The following ZC3H12B variants were observed in gnomAD, a reference collection of about 807,000 sequenced individuals.
ZC3H12B encodes zinc finger CCCH-type containing 12B, also known as probable ribonuclease ZC3H12B.
In ZC3H12B, 7 loss-of-function variants were observed where a neutral mutation model predicts 43.9. The ratio of observed to expected loss-of-function variants is 0.16; its 90% CI spans 0.09 to 0.30. ZC3H12B has a LOEUF of 0.30. Among genes scored for constraint, ZC3H12B ranks in the 10% least tolerant of loss-of-function variants. The pLI, the probability that ZC3H12B is intolerant of heterozygous loss-of-function variation, is 1.00. For synonymous variants in ZC3H12B, 222 were observed against 241.7 expected (o/e 0.92, Z 0.76); for missense variants, 475 against 670.2 (o/e 0.71, Z 3.22).
At chrX:65,141,632 T>C in the ZC3H12B span, among the ~76,000 whole-genome samples, 3 of 110,550 alleles carry the variant, frequency 2.7e-5, no homozygotes, top group East Asian at 8.4e-4. Context: ...CTGAACAGTA[T>C]ACACTGCACC....
the ZC3H12B span, among the ~76,000 whole-genome samples, chrX:65,283,050 T>C: frequency 1.8e-5 from 2 of 111,658 alleles, no homozygotes; most frequent in East Asian, 5.6e-4. Flanking sequence ...ATATCACTGA[T>C]GAACATCGAT....
chrX:65,047,802 A>G, the ZC3H12B span, among the ~76,000 whole-genome samples: 2 of 110,618 alleles, frequency 1.8e-5, no homozygotes, highest in African/African-American at 6.5e-5. Flanking sequence ...TAGTTGGGCT[A>G]AGTTTTTTTT....
chrX:65,346,790 C>T, the ZC3H12B span, among the ~76,000 whole-genome samples: 2 of 112,462 alleles, frequency 1.8e-5, no homozygotes, highest in African/African-American at 6.5e-5. Flanking sequence ...GAAAAAAAGG[C>T]AGCACCTCCA....
intron 4 of ZC3H12B, 30 bp downstream of exon 9, chrX:65,500,019 G>A (rs772311285): frequency 1.1e-5 from 12 of 1,062,399 alleles, no homozygotes; most frequent in African/African-American, 1.8e-5. Flanking sequence ...ACTGAGTTCT[G>A]TACCACCGGA....
the ZC3H12B span, among the ~76,000 whole-genome samples, chrX:65,318,480 T>C: frequency 3.7e-5 from 4 of 108,294 alleles, no homozygotes; most frequent in Non-Finnish European, 7.7e-5. Flanking sequence ...GGTGGTGTGA[T>C]CTCAGCTCAG....
the ZC3H12B span, among the ~76,000 whole-genome samples, chrX:65,234,832 T>C: frequency 9.0e-6 from 1 of 111,651 alleles, no homozygotes; most frequent in African/African-American, 3.3e-5. Context: ...TATTTTTTTC[T>C]GATGCTCTTT....
chrX:65,504,192 A>G lies in ZC3H12B; in HGVS notation c.*983A>G, dbSNP rs192803305. On this transcript the variant is annotated 3_prime_UTR_variant, in exon 5 of 5. Coordinates refer to ENST00000338957, the Ensembl canonical transcript of ZC3H12B. ...GCAATTATATTGCATGTATGAATAT[A>G]TATATTTGGTTTGAGATGTGTGTGT... is the stretch of plus-strand genomic sequence containing the variant. 108 of 112,225 alleles carry G rather than the reference A, an allele frequency of 9.6e-4. 2 individuals carry two copies. Among genetic ancestry groups the G allele is most frequent in the African/African-American group, 3.5e-3 (107 of 30,869 alleles). 9.2% of individuals were successfully genotyped at this position (112,225 alleles called of 1,213,427 possible).
chrX:65,050,685 A>G, the ZC3H12B span, among the ~76,000 whole-genome samples: 86 of 111,443 alleles, frequency 7.7e-4, no homozygotes, highest in East Asian at 5.6e-3. Context: ...TGACCATGGA[A>G]TTTTTATTCT....
chrX:65,177,050 T>C, the ZC3H12B span, among the ~76,000 whole-genome samples: 2 of 110,877 alleles, frequency 1.8e-5, no homozygotes, highest in Non-Finnish European at 3.8e-5. Flanking sequence ...GCAAACCAAA[T>C]CCAGCAGCAC....
the ZC3H12B span, among the ~76,000 whole-genome samples, chrX:65,223,938 A>G: frequency 1.7e-4 from 19 of 112,392 alleles, no homozygotes; most frequent in African/African-American, 5.8e-4. Context: ...TGATCCAGCA[A>G]TCCCACTCCT....
chrX:65,228,284 A>T, the ZC3H12B span, among the ~76,000 whole-genome samples: 1 of 111,928 alleles, frequency 8.9e-6, no homozygotes, highest in Non-Finnish European at 1.9e-5. Flanking sequence ...GACAAAAACC[A>T]CCTGGTTATC....
At position 65,439,464 on chromosome X, in the gene ZC3H12B, AC is replaced by A. The variant is rs753932875; in HGVS notation, n.407+40762del. On this transcript the variant is annotated intron_variant and non_coding_transcript_variant, in intron 3 of 5. Transcript: ENST00000617377. ...ATTCCATAGGAATCGTTTGTGCAGC[AC>A]CTCTGCCTGTTCTGCAAAGCAATCT... Among the ~76,000 whole-genome samples the A allele has an allele frequency of 5.8e-3, 647 of 111,777 alleles. 1 individual carries two copies. Among genetic ancestry groups the A allele is most frequent in the Middle Eastern group, 0.019 (4 of 216 alleles).
chrX:65,074,769 T>G, the ZC3H12B span, among the ~76,000 whole-genome samples: 1 of 112,183 alleles, frequency 8.9e-6, no homozygotes, highest in Non-Finnish European at 1.9e-5. Flanking sequence ...AGTGAATTTT[T>G]CAGTTCACTT....
chrX:65,350,653 A>G, the ZC3H12B span, among the ~76,000 whole-genome samples: 4 of 112,245 alleles, frequency 3.6e-5, no homozygotes, highest in Admixed American at 9.5e-5. Context: ...ATCAATATGC[A>G]AAAATTACAA....
the ZC3H12B span, among the ~76,000 whole-genome samples, chrX:65,080,431 A>T: frequency 4.4e-3 from 487 of 111,401 alleles, 3 homozygotes; most frequent in African/African-American, 0.015. Context: ...AAGGTATTTA[A>T]TAATCAAACT....
the ZC3H12B span, among the ~76,000 whole-genome samples, chrX:65,145,599 A>G: frequency 9.0e-6 from 1 of 111,589 alleles, no homozygotes; most frequent in Non-Finnish European, 1.9e-5. Context: ...TGTGAGATTT[A>G]TGCTTTAAAG....
At chrX:65,240,332 CTG>C in the ZC3H12B span, among the ~76,000 whole-genome samples, 6 of 111,610 alleles carry the variant, frequency 5.4e-5, no homozygotes, top group African/African-American at 2.0e-4. Context: ...TCTTCAAGCT[CTG>C]AGATTATTTT....
chrX:65,115,205 C>T, the ZC3H12B span, among the ~76,000 whole-genome samples: 1 of 107,835 alleles, frequency 9.3e-6, no homozygotes, highest in African/African-American at 3.4e-5. Flanking sequence ...CTCGCCACCC[C>T]CCACCCTTTT....
the ZC3H12B span, among the ~76,000 whole-genome samples, chrX:65,207,781 T>C: frequency 3.0e-5 from 2 of 67,233 alleles, no homozygotes; most frequent in Non-Finnish European, 5.5e-5. Context: ...ATGGCCATTT[T>C]CACGATATTG....
Sources: allele counts gnomAD v4.1 joint callset (sites outside exome capture counted in the v4.1 genomes callset), GRCh38; gene constraint gnomAD v4.1.1; transcripts MANE v1.5; gene names NCBI Gene and HGNC (gene_info 2026-07-23, HGNC 2026-07-21).